TCF20: variants seen among roughly 807,000 people sequenced by gnomAD.
TCF20 encodes the protein SPRE-binding protein.
Under a neutral mutation model 148.6 loss-of-function variants are expected in TCF20, and 3 were observed. That is an observed-to-expected ratio of 0.02 (90% confidence interval 0.01 to 0.05). The LOEUF (loss-of-function observed/expected upper bound fraction) is 0.05, where lower values mean the gene tolerates loss of function less well. Ranked by LOEUF, TCF20 falls within the 10% of genes least tolerant of loss-of-function variation. The probability of loss-of-function intolerance (pLI) is 1.00; values close to 1 mark genes in which losing one functional copy is unlikely to be tolerated. For missense variants in TCF20, 2,350 were observed against 2,429.3 expected (o/e 0.97, Z 0.69); for synonymous variants, 1,049 against 909.5 (o/e 1.15, Z -2.76).
chr22:42,196,883 G>A (rs750680544), intron 2 of TCF20, among the ~76,000 whole-genome samples: 8 of 152,134 alleles, frequency 5.3e-5, no homozygotes, highest in Non-Finnish European at 1.0e-4. Flanking sequence ...CTGGAAATTT[G>A]TTATTCTGTT....
intron 1 of TCF20, among the ~76,000 whole-genome samples, chr22:42,256,059 C>G (rs181891837): frequency 1.1e-4 from 17 of 152,240 alleles, no homozygotes; most frequent in African/African-American, 3.9e-4. Context: ...CCACTTGTCT[C>G]TCTCTCTCGT....
intron 1 of TCF20, among the ~76,000 whole-genome samples, chr22:42,239,233 T>C (rs747519806): frequency 2.4e-4 from 36 of 152,040 alleles, no homozygotes; most frequent in South Asian, 6.2e-4. Flanking sequence ...TCCCAGCACT[T>C]TGGGAGGCCG....
intron 1 of TCF20, among the ~76,000 whole-genome samples, chr22:42,222,032 C>T (rs1013473411): frequency 6.6e-6 from 1 of 152,208 alleles, no homozygotes; most frequent in Admixed American, 6.5e-5. Flanking sequence ...GCCACCGCGC[C>T]CGGCCCCATA....
chr22:42,207,540 G>C lies in TCF20; in HGVS notation c.5655+2111C>G, dbSNP rs145474059. ...TCTTAAAAATATAAATCAAGGCTGG[G>C]TGCAGTGGCTCAAGCCTGTAATCCC... On this transcript the variant is annotated intron_variant, in intron 2 of 5. Coordinates refer to ENST00000677622, the MANE Select transcript of TCF20 (RefSeq NM_001378418.1). 2.6e-3 allele frequency among the ~76,000 whole-genome samples: 392 copies of C among 152,308 alleles called. 1 individual carries two copies. The highest frequency in any genetic ancestry group is 8.7e-3 in the African/African-American group (363 of 41,560).
intron 2 of TCF20, among the ~76,000 whole-genome samples, chr22:42,206,596 T>G (rs1435218774): frequency 6.6e-6 from 1 of 152,130 alleles, no homozygotes; most frequent in African/African-American, 2.4e-5. Context: ...AAAATGTCAT[T>G]GTGTATAAAC....
At chr22:42,218,574 A>G (rs907477678) in intron 1 of TCF20, among the ~76,000 whole-genome samples, 9 of 152,218 alleles carry the variant, frequency 5.9e-5, no homozygotes, top group African/African-American at 2.2e-4. Context: ...AACTAATGAA[A>G]AGCCTTCTCA....
At chr22:42,191,412 C>T (rs1937328280) in intron 2 of TCF20, among the ~76,000 whole-genome samples, 2 of 152,184 alleles carry the variant, frequency 1.3e-5, no homozygotes, top group Admixed American at 6.5e-5. Context: ...GCCTTAGCCT[C>T]TAAAGTAGCT....
chr22:42,318,959 C>T (rs1927683946), intron 1 of TCF20, among the ~76,000 whole-genome samples: 1 of 152,204 alleles, frequency 6.6e-6, no homozygotes, highest in African/African-American at 2.4e-5. Flanking sequence ...TGGCACTGCC[C>T]TGACCTGAGA....
intron 2 of TCF20, among the ~76,000 whole-genome samples, chr22:42,188,607 G>C (rs1369338970): frequency 6.6e-6 from 1 of 152,188 alleles, no homozygotes; most frequent in Non-Finnish European, 1.5e-5. Flanking sequence ...AACTTGATCA[G>C]GCTGGTCTTT....
chr22:42,195,752 G>A (rs1039708385), intron 2 of TCF20, among the ~76,000 whole-genome samples: 7 of 151,854 alleles, frequency 4.6e-5, no homozygotes, highest in African/African-American at 1.5e-4. Flanking sequence ...CGCCTGCCTC[G>A]GCCTCCCACA....
chr22:42,215,377 T>A (rs1921655495), intron 1 of TCF20, 36 bp from the exon 2 acceptor site: 2 of 1,527,190 alleles, frequency 1.3e-6, no homozygotes, highest in South Asian at 2.6e-5. Context: ...TAGACACGCA[T>A]CTCCTTGGTA....
chr22:42,250,187 C>T (rs1228951420), intron 1 of TCF20, among the ~76,000 whole-genome samples: 1 of 152,130 alleles, frequency 6.6e-6, no homozygotes, highest in Admixed American at 6.5e-5. Context: ...CATCTGTAAT[C>T]CCAGCACTTG....
chr22:42,337,930 G>A (rs1273714479), intron 1 of TCF20, among the ~76,000 whole-genome samples: 1 of 152,224 alleles, frequency 6.6e-6, no homozygotes, highest in East Asian at 1.9e-4. Context: ...ATGGGCCTGG[G>A]AGGGGGTCTC....
At chr22:42,281,101 C>T (rs776692344) in intron 1 of TCF20, among the ~76,000 whole-genome samples, 1 of 152,184 alleles carries the variant, frequency 6.6e-6, no homozygotes, top group Non-Finnish European at 1.5e-5. Flanking sequence ...AGGAGCTGCT[C>T]CTGAACCCTT....
At chr22:42,331,125 T>C (rs1927966525) in intron 1 of TCF20, among the ~76,000 whole-genome samples, 1 of 152,202 alleles carries the variant, frequency 6.6e-6, no homozygotes. Context: ...GATGACAAAC[T>C]GTGTTCAAGC....
In TCF20 at chr22:42,279,067, A is replaced by G. The variant is rs755375898; in HGVS notation, c.-37+4760T>C. 2.0e-5 allele frequency among the ~76,000 whole-genome samples: 3 copies of G among 152,140 alleles called. No individual in the cohort carries two copies. Among genetic ancestry groups the G allele is most frequent in the African/African-American group, 4.8e-5 (2 of 41,422 alleles). ...TGTGGGCAAATGATGACAGACATGC[A>G]TGGTAACCACTTCTTCACAAGTTTT... On this transcript the variant is annotated intron_variant, in intron 1 of 5. Coordinates refer to the TCF20 transcript ENST00000359486. The surrounding 1 kb of genome is among the most constrained non-coding windows in gnomAD (Gnocchi z 4.3).
intron 1 of TCF20, among the ~76,000 whole-genome samples, chr22:42,309,651 C>A (rs748366880): frequency 2.6e-5 from 3 of 116,502 alleles, no homozygotes; most frequent in Non-Finnish European, 5.3e-5. Context: ...GCCAGCAACG[C>A]CCCTGCAACT....
intron 1 of TCF20, among the ~76,000 whole-genome samples, chr22:42,318,427 G>A (rs940519495): frequency 3.9e-5 from 6 of 152,192 alleles, no homozygotes; most frequent in African/African-American, 1.4e-4. Flanking sequence ...AGAGGAGAGG[G>A]GAGGAGGAGG....
At chr22:42,230,406 T>C (rs1206552866) in intron 1 of TCF20, among the ~76,000 whole-genome samples, 2 of 152,214 alleles carry the variant, frequency 1.3e-5, no homozygotes, top group Non-Finnish European at 2.9e-5. Context: ...TACATAATAC[T>C]TGAAAATAAA....
Sources: allele counts gnomAD v4.1 joint callset (sites outside exome capture counted in the v4.1 genomes callset), GRCh38; gene constraint gnomAD v4.1.1; non-coding constraint Gnocchi (gnomAD v3.1); transcripts MANE v1.5; gene names NCBI Gene and HGNC (gene_info 2026-07-23, HGNC 2026-07-21).